XPO7: variants seen among roughly 807,000 people sequenced by gnomAD.
XPO7 encodes exportin-7.
A neutral mutation model predicts 144.3 loss-of-function variants in XPO7; 21 were observed. The observed-to-expected ratio is 0.15, with a 90% CI of 0.10 to 0.21. The LOEUF is 0.21. Among genes scored for constraint, XPO7 ranks in the 10% least tolerant of loss-of-function variants. The pLI is 1.00. For missense variants in XPO7, 808 were observed against 1,325.8 expected, an observed-to-expected ratio of 0.61 and a Z score of 6.06; for synonymous variants, 580 against 499.6, an observed-to-expected ratio of 1.16 and a Z score of -2.15.
intron 6 of XPO7, among the ~76,000 whole-genome samples, chr8:21,976,091 TGAG>T (rs1474418068): frequency 6.6e-6 from 1 of 152,212 alleles, no homozygotes; most frequent in East Asian, 1.9e-4. Flanking sequence ...CTACATTGTG[TGAG>T]GAGTATAGTA....
intron 1 of XPO7, among the ~76,000 whole-genome samples, chr8:21,942,521 C>T (rs1188000989): frequency 6.6e-6 from 1 of 152,156 alleles, no homozygotes; most frequent in Admixed American, 6.5e-5. Context: ...ATAGTTACTT[C>T]TGCATTCAGA....
chr8:21,958,075 A>AT (rs759710699), intron 1 of XPO7, among the ~76,000 whole-genome samples: 29 of 152,238 alleles, frequency 1.9e-4, no homozygotes, highest in Non-Finnish European at 2.5e-4. Flanking sequence ...TTGTACAGAC[A>AT]TTAATATGGA....
intron 16 of XPO7, 30 bp downstream of exon 16, chr8:21,989,113 C>T: frequency 6.3e-7 from 1 of 1,579,744 alleles, no homozygotes; most frequent in South Asian, 1.1e-5. Flanking sequence ...CTTCTGTGCA[C>T]AACAGAAACT....
chr8:21,923,710 T>TA, intron 1 of XPO7, among the ~76,000 whole-genome samples: 2 of 152,314 alleles, frequency 1.3e-5, no homozygotes, highest in Middle Eastern at 6.8e-3. Context: ...TTCTATATCT[T>TA]ACAGAGAAAT....
chr8:21,919,675 A>G lies in XPO7; in HGVS notation c.-96A>G. 5.5e-6 allele frequency: 1 copy of G among 180,604 alleles called. No individual in the cohort carries two copies. Among genetic ancestry groups the G allele is most frequent in the Non-Finnish European group, 1.2e-5 (1 of 81,130 alleles). The allele number at this position is 180,604 out of a possible 1,614,324, so 11.2% of individuals were successfully genotyped here. A position where few individuals can be genotyped will look rare whatever the true frequency, so the allele number is the denominator to read the frequency against. On this transcript the variant is annotated 5_prime_UTR_variant, in exon 1 of 28. Coordinates refer to ENST00000252512, the MANE Select transcript of XPO7 (RefSeq NM_015024.5). ...CGACGAGTCCCCAGCGCGCAGGCGC[A>G]GCGGCGACGGCGTCGGCGGCGGCGG... is the stretch of plus-strand genomic sequence containing the variant.
intron 10 of XPO7, among the ~76,000 whole-genome samples, 177 bp downstream of exon 10, chr8:21,982,054 T>C (rs1309693592): frequency 6.6e-6 from 1 of 152,198 alleles, no homozygotes; most frequent in Admixed American, 6.5e-5. Flanking sequence ...GTGCAAGTAG[T>C]GTGGGGAGAG....
Position 21,980,184 on chromosome 8 carries a change from G to A in XPO7, c.938G>A (p.Arg313Gln), listed in dbSNP as rs773722282. ...FLSHLVDGVK[R>Q]ILENPQSLSD... The stretch of plus-strand genomic sequence containing the variant: ...TCTCATCTTGTTGATGGTGTTAAAC[G>A]AATACTGGAAAACCCACAGGTAAGT... Residue 313 changes from arginine to glutamine, a missense_variant, in exon 9 of 28, where the codon CGA becomes CAA. This residue lies in a region of XPO7 where 223 missense variants were observed against 368.8 expected (regional missense o/e 0.60). Coordinates refer to ENST00000252512, the MANE Select transcript of XPO7 (RefSeq NM_015024.5). 7 of 1,596,218 alleles carry A rather than the reference G, an allele frequency of 4.4e-6. No individual in the cohort carries two copies. Among genetic ancestry groups the A allele is most frequent in the East Asian group, 4.5e-5 (2 of 44,484 alleles).
intron 1 of XPO7, among the ~76,000 whole-genome samples, chr8:21,956,054 A>T (rs546254307): frequency 6.6e-6 from 1 of 152,178 alleles, no homozygotes; most frequent in African/African-American, 2.4e-5. Context: ...ATGGAATTAC[A>T]CTTTACTTTG....
intron 9 of XPO7, among the ~76,000 whole-genome samples, chr8:21,981,150 T>C (rs888949187): frequency 7.2e-5 from 11 of 152,136 alleles, no homozygotes; most frequent in African/African-American, 2.7e-4. Flanking sequence ...AGAAGACATA[T>C]CAGGAAACTT....
At chr8:21,931,520 G>A (rs1275852653) in intron 1 of XPO7, among the ~76,000 whole-genome samples, 1 of 152,162 alleles carries the variant, frequency 6.6e-6, no homozygotes, top group African/African-American at 2.4e-5. Flanking sequence ...ATTCTGTTTT[G>A]TTTGCTGGAA....
chr8:21,956,523 T>TG (rs1363320259), intron 1 of XPO7, among the ~76,000 whole-genome samples: 1 of 152,212 alleles, frequency 6.6e-6, no homozygotes, highest in Non-Finnish European at 1.5e-5. Context: ...CACCATTCTC[T>TG]GTTCTGTCTT....
At chr8:21,994,488 C>T in intron 20 of XPO7, 37 bp downstream of exon 20, 1 of 1,565,804 alleles carries the variant, frequency 6.4e-7, no homozygotes, top group Non-Finnish European at 8.7e-7. Flanking sequence ...CTACAGCCTG[C>T]CTTAACTGGA....
chr8:21,925,318 C>A (rs1417680981), intron 1 of XPO7, among the ~76,000 whole-genome samples: 1 of 152,226 alleles, frequency 6.6e-6, no homozygotes, highest in Non-Finnish European at 1.5e-5. Flanking sequence ...GACACACACA[C>A]ACTCCTACTG....
intron 19 of XPO7, among the ~76,000 whole-genome samples, chr8:21,992,676 G>A (rs1035088148): frequency 3.3e-5 from 5 of 152,064 alleles, no homozygotes; most frequent in Admixed American, 6.5e-5. Context: ...AGCTTCCCAC[G>A]TGGCTAGGAT....
Position 21,990,807 on chromosome 8 carries a change from A to T in XPO7, c.1933-4A>T. 5.6e-6 allele frequency: 9 copies of T among 1,613,624 alleles called. No homozygotes were observed. Among genetic ancestry groups the T allele is most frequent in the Non-Finnish European group, 7.6e-6 (9 of 1,179,772 alleles). Reference sequence around the variant, plus strand: ...CCTTTAACTTCTTTTCTTTTTTTCAATAGAGCGAGCACTTTTCATTTTTGG... The same window carrying T: ...CCTTTAACTTCTTTTCTTTTTTTCATTAGAGCGAGCACTTTTCATTTTTGG... On this transcript the variant is annotated splice_polypyrimidine_tract_variant and splice_region_variant and intron_variant, in intron 17 of 27. Coordinates refer to ENST00000252512, the MANE Select transcript of XPO7 (RefSeq NM_015024.5).
In XPO7 at chr8:21,968,592, A is replaced by C. The variant is rs117172307; in HGVS notation, c.166-891A>C. On this transcript the variant is annotated intron_variant, in intron 2 of 27. Coordinates refer to ENST00000252512, the MANE Select transcript of XPO7 (RefSeq NM_015024.5). ...CTAACTCCTGCTGGAGTGACAGTAC[A>C]GTCTCTCTCACCACTAGTCTTAAAT... Among the ~76,000 whole-genome samples, 420 of 152,346 alleles carry C rather than the reference A, an allele frequency of 2.8e-3. 2 individuals are homozygous for C. The highest frequency in any genetic ancestry group is 0.027 in the South Asian group (128 of 4,822).
intron 1 of XPO7, among the ~76,000 whole-genome samples, chr8:21,960,907 T>C (rs1811706075): frequency 6.6e-6 from 1 of 152,196 alleles, no homozygotes. Flanking sequence ...AATAAGTAAC[T>C]AGAGAATTTG....
intron 1 of XPO7, among the ~76,000 whole-genome samples, chr8:21,932,836 G>A (rs1810697623): frequency 6.6e-6 from 1 of 152,172 alleles, no homozygotes; most frequent in South Asian, 2.1e-4. Flanking sequence ...ATATAGAGGT[G>A]TATACATGAG....
At chr8:21,941,312 C>G (rs1439467176) in intron 1 of XPO7, among the ~76,000 whole-genome samples, 1 of 151,844 alleles carries the variant, frequency 6.6e-6, no homozygotes, top group Admixed American at 6.6e-5. Flanking sequence ...TGCCACCTGA[C>G]TAGTTAAGAA....
Sources: gnomAD v4.1 joint callset for allele counts (sites outside exome capture counted in the v4.1 genomes callset) on GRCh38, gnomAD v4.1.1 for gene constraint, gnomAD v4.1.1 regional missense constraint, MANE v1.5 for transcripts, NCBI Gene and HGNC (gene_info 2026-07-23, HGNC 2026-07-21) for gene names.